DOCK1: variants seen among roughly 807,000 people sequenced by gnomAD.
DOCK1 encodes dedicator of cytokinesis 1, also known as dedicator of cytokinesis protein 1.
A neutral mutation model predicts 262.7 loss-of-function variants in DOCK1; 138 were observed. The ratio of observed to expected loss-of-function variants is 0.53; its 90% CI spans 0.46 to 0.61. The LOEUF (loss-of-function observed/expected upper bound fraction) is 0.61. Ranked by LOEUF, DOCK1 falls within the 20% of genes least tolerant of loss-of-function variation. The pLI is 0.00. For missense variants in DOCK1, 1,908 were observed against 2,370.7 expected (o/e 0.80, Z 4.05); for synonymous variants, 866 against 867.4 (o/e 1.00, Z 0.03).
At chr10:127,040,738 C>T (rs1158356155) in intron 19 of DOCK1, among the ~76,000 whole-genome samples, 4 of 152,152 alleles carry the variant, frequency 2.6e-5, no homozygotes, top group Non-Finnish European at 2.9e-5. Context: ...GATCACCTCA[C>T]CCATTTATTT....
chr10:127,226,506 G>A (rs576272910), intron 27 of DOCK1, among the ~76,000 whole-genome samples: 3 of 152,130 alleles, frequency 2.0e-5, no homozygotes, highest in South Asian at 2.1e-4. Flanking sequence ...CACTTTGGGA[G>A]CCGAGGTGGA....
At chr10:127,141,280 T>C (rs981228110) in intron 27 of DOCK1, among the ~76,000 whole-genome samples, 2 of 152,260 alleles carry the variant, frequency 1.3e-5, no homozygotes, top group African/African-American at 4.8e-5. Flanking sequence ...TCTTCTCGAA[T>C]GCAGGCACCA....
chr10:127,125,428 G>A (rs765367413), intron 25 of DOCK1, 46 bp from the exon 26 acceptor site: 38 of 1,606,380 alleles, frequency 2.4e-5, no homozygotes, highest in Middle Eastern at 2.2e-4. Flanking sequence ...CACGAGTTGC[G>A]TCTTGGTGGG....
chr10:127,133,495 G>A (rs560333958), intron 27 of DOCK1, among the ~76,000 whole-genome samples: 1 of 152,000 alleles, frequency 6.6e-6, no homozygotes, highest in Admixed American at 6.6e-5. Context: ...TCATCCTAAC[G>A]TGTGTGTGTG....
chr10:127,011,347 TCTCC>T (rs1225786003), intron 11 of DOCK1, among the ~76,000 whole-genome samples: 2 of 152,318 alleles, frequency 1.3e-5, no homozygotes. Context: ...ACATTGCACA[TCTCC>T]CTCCCTCCCT....
At chr10:127,414,383 C>A (rs1430053848) in intron 43 of DOCK1, among the ~76,000 whole-genome samples, 1 of 152,138 alleles carries the variant, frequency 6.6e-6, no homozygotes, top group African/African-American at 2.4e-5. Flanking sequence ...TCCAGTTGAC[C>A]CCTGCATTGG....
chr10:127,434,639 C>A (rs1227333317), intron 48 of DOCK1, among the ~76,000 whole-genome samples: 1 of 152,014 alleles, frequency 6.6e-6, no homozygotes, highest in Non-Finnish European at 1.5e-5. Flanking sequence ...CCCTGACACC[C>A]TGACAATGTC....
At chr10:126,955,156 T>C (rs1190703053) in intron 1 of DOCK1, among the ~76,000 whole-genome samples, 1 of 152,232 alleles carries the variant, frequency 6.6e-6, no homozygotes, top group African/African-American at 2.4e-5. Context: ...AGATGGAGTC[T>C]TGCTCTGTTG....
intron 27 of DOCK1, among the ~76,000 whole-genome samples, chr10:127,234,863 T>C (rs1331481083): frequency 1.3e-5 from 2 of 150,754 alleles, no homozygotes; most frequent in Non-Finnish European, 3.0e-5. Flanking sequence ...ATATGGCTTA[T>C]AGGACATGGT....
intron 29 of DOCK1, among the ~76,000 whole-genome samples, chr10:127,275,275 A>T (rs372578254): frequency 3.3e-5 from 5 of 151,372 alleles, no homozygotes; most frequent in East Asian, 3.9e-4. Flanking sequence ...CACAGGAGAG[A>T]GAAGACAGTG....
At chr10:127,358,100 T>C (rs1400906698) in intron 32 of DOCK1, among the ~76,000 whole-genome samples, 2 of 152,028 alleles carry the variant, frequency 1.3e-5, no homozygotes, top group Non-Finnish European at 2.9e-5. Context: ...GAAATGGAAA[T>C]CAGATCTATT....
At chr10:126,912,441 A>G (rs1199272669) in intron 1 of DOCK1, among the ~76,000 whole-genome samples, 3 of 150,300 alleles carry the variant, frequency 2.0e-5, no homozygotes, top group African/African-American at 7.3e-5. Flanking sequence ...AAAAAAAAAA[A>G]AGAGACCGGG....
At chr10:127,373,997 C>T (rs1590762122) in intron 34 of DOCK1, 61 bp from the exon 35 acceptor site, 1 of 1,546,180 alleles carries the variant, frequency 6.5e-7, no homozygotes, top group Non-Finnish European at 8.7e-7. Flanking sequence ...GTTAAAATTG[C>T]ACCTCTGTTG....
chr10:127,141,472 G>C (rs1204570360), intron 27 of DOCK1, among the ~76,000 whole-genome samples: 3 of 152,252 alleles, frequency 2.0e-5, no homozygotes, highest in South Asian at 2.1e-4. Context: ...GGAGGCCGAG[G>C]TGGGCGGATC....
At chr10:127,418,728 G>A (rs1027963430) in intron 45 of DOCK1, among the ~76,000 whole-genome samples, 187 bp downstream of exon 45, 1 of 152,234 alleles carries the variant, frequency 6.6e-6, no homozygotes, top group Non-Finnish European at 1.5e-5. Flanking sequence ...CAAGGCCGGA[G>A]TCCCGGCAAG....
intron 19 of DOCK1, among the ~76,000 whole-genome samples, chr10:127,039,185 T>C (rs931632501): frequency 1.3e-5 from 2 of 152,222 alleles, no homozygotes; most frequent in African/African-American, 4.8e-5. Context: ...AAAATTTTAA[T>C]CATCTTCTCA....
At chr10:127,041,391 C>T (rs927917468) in intron 19 of DOCK1, among the ~76,000 whole-genome samples, 4 of 152,222 alleles carry the variant, frequency 2.6e-5, no homozygotes, top group African/African-American at 4.8e-5. Context: ...AGCCACTGCA[C>T]CTGGCCTGCT....
intron 28 of DOCK1, among the ~76,000 whole-genome samples, chr10:127,252,901 T>C (rs1390740727): frequency 6.6e-6 from 1 of 152,162 alleles, no homozygotes; most frequent in Non-Finnish European, 1.5e-5. Flanking sequence ...CTTGAGACTA[T>C]TTCCTTTTAA....
intron 1 of DOCK1, among the ~76,000 whole-genome samples, chr10:126,931,246 C>T (rs1009171390): frequency 2.0e-5 from 3 of 152,038 alleles, no homozygotes; most frequent in Admixed American, 6.5e-5. Flanking sequence ...GGATAGAAGC[C>T]AGGGGGAGAA....
Sources: gnomAD v4.1 joint callset for allele counts (sites outside exome capture counted in the v4.1 genomes callset) on GRCh38, gnomAD v4.1.1 for gene constraint, MANE v1.5 for transcripts, NCBI Gene and HGNC (gene_info 2026-07-23, HGNC 2026-07-21) for gene names.